Variants in MARCHF1 observed in about 807,000 individuals in gnomAD.
The protein encoded by MARCHF1 is E3 ubiquitin-protein ligase MARCHF1.
In MARCHF1, 40 loss-of-function variants were observed where a neutral mutation model predicts 54.2. That is an observed-to-expected ratio of 0.74 (90% confidence interval 0.57 to 0.96). MARCHF1 has a LOEUF of 0.96. MARCHF1 is among the 40% of genes least tolerant of loss of function. The pLI, the probability that MARCHF1 is intolerant of heterozygous loss-of-function variation, is 0.00. For missense variants in MARCHF1, 586 were observed against 656.5 expected, an observed-to-expected ratio of 0.89 and a Z score of 1.17; for synonymous variants, 236 against 236.3, an observed-to-expected ratio of 1.00 and a Z score of 0.01.
At chr4:164,054,026 C>T (rs1412778795) in intron 2 of MARCHF1, among the ~76,000 whole-genome samples, 2 of 152,044 alleles carry the variant, frequency 1.3e-5, no homozygotes, top group Non-Finnish European at 2.9e-5. Context: ...ACCTACTCAT[C>T]TGACAAAGGG....
At chr4:163,825,134 G>A (rs968728207) in intron 4 of MARCHF1, among the ~76,000 whole-genome samples, 1 of 151,886 alleles carries the variant, frequency 6.6e-6, no homozygotes, top group Non-Finnish European at 1.5e-5. Flanking sequence ...AGTCCTCAGG[G>A]TCTGTTGCTC....
At chr4:164,143,512 A>G (rs1342030166) in intron 1 of MARCHF1, among the ~76,000 whole-genome samples, 2 of 151,092 alleles carry the variant, frequency 1.3e-5, no homozygotes, top group African/African-American at 4.9e-5. Flanking sequence ...AGTGGGGGCC[A>G]ATATTCAACA....
intron 3 of MARCHF1, among the ~76,000 whole-genome samples, chr4:163,971,813 T>G (rs1211985016): frequency 6.6e-6 from 1 of 152,184 alleles, no homozygotes; most frequent in Non-Finnish European, 1.5e-5. Flanking sequence ...ATGAGAAGAC[T>G]CAGTCTCTTA....
intron 4 of MARCHF1, among the ~76,000 whole-genome samples, chr4:163,818,035 A>G (rs543352914): frequency 1.8e-4 from 27 of 150,976 alleles, no homozygotes; most frequent in African/African-American, 6.1e-4. Context: ...TGGGTGCAGC[A>G]CACCAGCATG....
chr4:163,632,553 G>A (rs776990474), intron 5 of MARCHF1, among the ~76,000 whole-genome samples: 10 of 152,214 alleles, frequency 6.6e-5, no homozygotes, highest in Non-Finnish European at 1.3e-4. Flanking sequence ...TTAAAAAACG[G>A]CGCACCACAA....
chr4:164,260,417 G>A (rs986313453), intron 1 of MARCHF1, among the ~76,000 whole-genome samples: 1 of 151,982 alleles, frequency 6.6e-6, no homozygotes, highest in Non-Finnish European at 1.5e-5. Flanking sequence ...TGAATTTGTG[G>A]ATCATTCCTT....
intron 4 of MARCHF1, among the ~76,000 whole-genome samples, chr4:163,795,994 A>C (rs930564854): frequency 1.3e-5 from 2 of 152,198 alleles, no homozygotes; most frequent in African/African-American, 4.8e-5. Flanking sequence ...CTATTCATTA[A>C]ATGGAAGTGA....
chr4:164,262,534 T>C (rs1488198700), intron 1 of MARCHF1, among the ~76,000 whole-genome samples: 4 of 152,162 alleles, frequency 2.6e-5, no homozygotes, highest in African/African-American at 4.8e-5. Context: ...CTGTAGGATA[T>C]AAAACAGGAA....
At chr4:163,941,704 T>G (rs980203146) in intron 3 of MARCHF1, among the ~76,000 whole-genome samples, 1 of 152,142 alleles carries the variant, frequency 6.6e-6, no homozygotes, top group African/African-American at 2.4e-5. Flanking sequence ...GAACAGTTTG[T>G]GCTTAAGTAC....
intron 4 of MARCHF1, among the ~76,000 whole-genome samples, chr4:163,810,526 A>G (rs1423602797): frequency 6.6e-6 from 1 of 152,178 alleles, no homozygotes; most frequent in Non-Finnish European, 1.5e-5. Flanking sequence ...TCCTTGGGTT[A>G]ACAATTGCTA....
intron 7 of MARCHF1, among the ~76,000 whole-genome samples, chr4:163,601,339 T>C (rs527513334): frequency 1.3e-5 from 2 of 152,108 alleles, no homozygotes; most frequent in South Asian, 4.1e-4. Context: ...GAATCTAAAT[T>C]TAATGCACAC....
intron 1 of MARCHF1, among the ~76,000 whole-genome samples, chr4:164,120,745 A>G (rs1756049310): frequency 6.6e-6 from 1 of 152,186 alleles, no homozygotes. Flanking sequence ...GTGGGTCAAT[A>G]AAGATATTAA....
intron 1 of MARCHF1, among the ~76,000 whole-genome samples, chr4:164,318,053 T>C (rs1735044309): frequency 6.6e-6 from 1 of 152,160 alleles, no homozygotes. Context: ...AATGTATGCA[T>C]TGGACAAATT....
intron 4 of MARCHF1, among the ~76,000 whole-genome samples, chr4:163,741,914 T>G (rs531492620): frequency 4.6e-5 from 7 of 152,232 alleles, no homozygotes; most frequent in Non-Finnish European, 1.0e-4. Context: ...ATATGTATAT[T>G]TATATAAAAC....
intron 1 of MARCHF1, among the ~76,000 whole-genome samples, chr4:164,169,963 C>A (rs192593546): frequency 6.6e-6 from 1 of 152,102 alleles, no homozygotes; most frequent in Non-Finnish European, 1.5e-5. Context: ...AACAGTAACT[C>A]ATGCCATTTT....
intron 1 of MARCHF1, among the ~76,000 whole-genome samples, chr4:164,191,296 A>C (rs1285991819): frequency 3.9e-5 from 6 of 152,228 alleles, no homozygotes; most frequent in African/African-American, 1.4e-4. Flanking sequence ...GAGCAAATTC[A>C]TACTCTGCAT....
At chr4:164,174,014 G>T (rs1180741437) in intron 1 of MARCHF1, among the ~76,000 whole-genome samples, 1 of 152,108 alleles carries the variant, frequency 6.6e-6, no homozygotes, top group Admixed American at 6.6e-5. Flanking sequence ...TGTAGAAATC[G>T]TCTCACACTA....
intron 4 of MARCHF1, among the ~76,000 whole-genome samples, chr4:163,747,283 G>A (rs140746779): frequency 5.3e-5 from 8 of 152,294 alleles, no homozygotes; most frequent in African/African-American, 1.9e-4. Flanking sequence ...AATACCTCAA[G>A]CTGAGAATTT....
At chr4:163,550,071 G>T (rs7699668) in intron 8 of MARCHF1, among the ~76,000 whole-genome samples, 112,911 of 152,008 alleles carry the variant, frequency 0.74, 42,187 homozygotes, top group East Asian at 0.9. Flanking sequence ...TTGCCTGAGC[G>T]CAGGAGTTCG....
Sources: gnomAD v4.1 joint callset for allele counts (sites outside exome capture counted in the v4.1 genomes callset) on GRCh38, gnomAD v4.1.1 for gene constraint, MANE v1.5 for transcripts, NCBI Gene and HGNC (gene_info 2026-07-23, HGNC 2026-07-21) for gene names.